SLC22A24: variants seen among roughly 807,000 people sequenced by gnomAD.
SLC22A24 encodes steroid transmembrane transporter SLC22A24.
In SLC22A24, 53 loss-of-function variants were observed where a neutral mutation model predicts 49.8. The observed-to-expected ratio is 1.06, with a 90% CI of 0.85 to 1.34. The LOEUF (loss-of-function observed/expected upper bound fraction) is 1.34. Ranked by LOEUF, SLC22A24 falls within the 40% of genes most tolerant of loss-of-function variation. The pLI, the probability that SLC22A24 is intolerant of heterozygous loss-of-function variation, is 0.00. For synonymous variants in SLC22A24, 302 were observed against 256.4 expected, an observed-to-expected ratio of 1.18 and a Z score of -1.70; for missense variants, 786 against 675.9, an observed-to-expected ratio of 1.16 and a Z score of -1.81.
rs955049082 is a variant in SLC22A24 at position 63,126,932 on chromosome 11, C to T, written c.507-7597G>A. 5.3e-5 allele frequency among the ~76,000 whole-genome samples: 8 copies of T among 152,044 alleles called. No individual in the cohort carries two copies. The South Asian group carries it at 1.5e-3, about 28-fold the overall frequency. ...TAGCAATTGTGAATGGGAGTTCACT[C>T]AGGATTTGGCTCTCAGTTTGTCTGT... On this transcript the variant is annotated intron_variant, in intron 2 of 9. Transcript: ENST00000612278.
intron 6 of SLC22A24, among the ~76,000 whole-genome samples, chr11:63,095,065 G>T (rs1450830639): frequency 6.6e-6 from 1 of 152,180 alleles, no homozygotes; most frequent in Non-Finnish European, 1.5e-5. Context: ...CCATGCGTAT[G>T]TCCTGAATGG....
chr11:63,114,052 C>T (rs1174877753), intron 4 of SLC22A24, among the ~76,000 whole-genome samples: 1 of 152,022 alleles, frequency 6.6e-6, no homozygotes, highest in African/African-American at 2.4e-5. Flanking sequence ...TGGGGTTGCT[C>T]TTCTTGAGGA....
intron 4 of SLC22A24, among the ~76,000 whole-genome samples, chr11:63,106,940 C>A (rs1006232117): frequency 2.0e-5 from 3 of 152,112 alleles, no homozygotes; most frequent in Non-Finnish European, 4.4e-5. Context: ...TTAATTAGAT[C>A]CCGTCTGTGA....
chr11:63,094,205 T>C (rs12363274), intron 6 of SLC22A24, among the ~76,000 whole-genome samples: 17,314 of 142,522 alleles, frequency 0.12, 1,131 homozygotes, highest in Middle Eastern at 0.17. Context: ...TGTGTTCTCA[T>C]TGTTCAATTC....
chr11:63,134,813 C>A, intron 1 of SLC22A24, 45 bp from the exon 2 acceptor site: 1 of 1,364,368 alleles, frequency 7.3e-7, no homozygotes, highest in Non-Finnish European at 1.0e-6. Context: ...AGAAGAGTTT[C>A]AACTCTTTAG....
chr11:63,126,103 G>C (rs2087288525), intron 2 of SLC22A24, among the ~76,000 whole-genome samples: 1 of 152,006 alleles, frequency 6.6e-6, no homozygotes, highest in South Asian at 2.1e-4. Flanking sequence ...CTCCCATTCT[G>C]TATGTTTCCT....
chr11:63,134,321 C>T (rs1396056978), intron 2 of SLC22A24, among the ~76,000 whole-genome samples: 2 of 152,132 alleles, frequency 1.3e-5, no homozygotes, highest in Non-Finnish European at 2.9e-5. Context: ...GCACCTCCTG[C>T]CTCAAACACC....
Position 63,143,365 on chromosome 11 carries a change from T to A in SLC22A24, c.402+13A>T, listed in dbSNP as rs1170091911. The A allele has an allele frequency of 7.0e-7, 1 of 1,435,458 alleles. No homozygotes were observed. Among genetic ancestry groups the A allele is most frequent in the Non-Finnish European group, 9.2e-7 (1 of 1,092,016 alleles). The allele number at this position is 1,435,458 out of a possible 1,614,324, so 88.9% of individuals were successfully genotyped here. ...TAATCATATAAACAGAAGATTTACATGGGGCCTCTTACCTCAGTCACGATG... is the reference window on the plus strand; with the variant it reads ...TAATCATATAAACAGAAGATTTACAAGGGGCCTCTTACCTCAGTCACGATG... On this transcript the variant is annotated intron_variant, in intron 1 of 9. Transcript: ENST00000612278.
At chr11:63,112,840 C>T (rs901673806) in intron 4 of SLC22A24, among the ~76,000 whole-genome samples, 4 of 150,328 alleles carry the variant, frequency 2.7e-5, no homozygotes, top group Non-Finnish European at 5.9e-5. Flanking sequence ...GGTGAAACCC[C>T]GTCTCTACTA....
At position 63,134,754 on chromosome 11, in the gene SLC22A24, A is replaced by G. The variant is rs1048039548; in HGVS notation, c.417T>C (p.Cys139=). Residue 139 remains cysteine, a synonymous_variant, in exon 2 of 10, where the codon TGT becomes TGC. Transcript: ENST00000612278. ...CCATTGATTTTAGTGACTGAGATTC[A>G]CATACCAGGTCCCACTGGAAGAGAA... ...STIVTEWDLV[C]ESQSLKSMVQ... is the part of the protein sequence containing the mutation. The G allele has an allele frequency of 8.3e-6, 13 of 1,573,188 alleles. No individual in the cohort carries two copies. The highest frequency in any genetic ancestry group is 1.1e-5 in the Non-Finnish European group (13 of 1,157,426).
chr11:63,140,618 C>G (rs554339800), intron 1 of SLC22A24, among the ~76,000 whole-genome samples: 1 of 152,264 alleles, frequency 6.6e-6, no homozygotes, highest in East Asian at 1.9e-4. Context: ...ATCTTCACTT[C>G]TATCTGATGT....
intron 6 of SLC22A24, 109 bp from the exon 7 acceptor site, chr11:63,083,566 A>C: frequency 1.2e-6 from 1 of 842,836 alleles, no homozygotes; most frequent in Non-Finnish European, 1.8e-6. Flanking sequence ...TATTGACCCA[A>C]TTGGCAAATG....
chr11:63,116,618 G>A (rs948483450), intron 4 of SLC22A24, among the ~76,000 whole-genome samples: 1 of 152,052 alleles, frequency 6.6e-6, no homozygotes, highest in African/African-American at 2.4e-5. Flanking sequence ...AATTTCTTGG[G>A]TGTGTAGATT....
Position 63,096,114 on chromosome 11 carries a change from A to G in SLC22A24, c.955-8T>C. On this transcript the variant is annotated splice_polypyrimidine_tract_variant and splice_region_variant and intron_variant, in intron 5 of 9. Transcript: ENST00000612278. ...CATGGTGGATCTCACAAGCTTCAGC[A>G]ACAAAAATAACAACAAGCATTTGTG... 6.7e-7 allele frequency: 1 copy of G among 1,502,160 alleles called. No homozygotes were observed. The highest frequency in any genetic ancestry group is 9.1e-7 in the Non-Finnish European group (1 of 1,102,084). 93.1% of individuals were successfully genotyped at this position (1,502,160 alleles called of 1,614,324 possible).
chr11:63,137,923 T>A (rs2087387127), intron 1 of SLC22A24: 1 of 152,098 alleles, frequency 6.6e-6, no homozygotes, highest in South Asian at 2.1e-4. Context: ...TCTCTGTCTT[T>A]CTCTGTCTTG....
At position 63,121,745 on chromosome 11, in the gene SLC22A24, A is replaced by G. The variant is rs189485557; in HGVS notation, c.507-2410T>C. Among the ~76,000 whole-genome samples the G allele has an allele frequency of 7.6e-4, 115 of 152,090 alleles. 1 individual carries two copies. The highest frequency in any genetic ancestry group is 2.6e-3 in the African/African-American group (107 of 41,490). On this transcript the variant is annotated intron_variant, in intron 2 of 9. Transcript: ENST00000612278. ...GCTGGTGTGCTGCACCCATTAACTCATCATTTAGCATTAGGTATATCTCCT... is the reference window on the plus strand; with the variant it reads ...GCTGGTGTGCTGCACCCATTAACTCGTCATTTAGCATTAGGTATATCTCCT...
chr11:63,099,246 G>T lies in SLC22A24; in HGVS notation c.955-3140C>A, dbSNP rs141648751. Among the ~76,000 whole-genome samples the T allele has an allele frequency of 6.9e-3, 1,050 of 151,914 alleles. 11 individuals carry two copies. The highest frequency in any genetic ancestry group is 0.024 in the African/African-American group (982 of 41,436). On this transcript the variant is annotated intron_variant, in intron 5 of 9. Coordinates refer to ENST00000612278, the MANE Select transcript of SLC22A24 (RefSeq NM_001136506.2). ...GCTGTCTCACTGTTTTGTCCAGGCT[G>T]GAGTGCAGTGATGCTTTCATGGCTT...
chr11:63,131,672 A>G (rs2087336468), intron 2 of SLC22A24, among the ~76,000 whole-genome samples: 1 of 152,168 alleles, frequency 6.6e-6, no homozygotes, highest in Non-Finnish European at 1.5e-5. Context: ...GGCTTCCCTT[A>G]GTGGGTAACC....
chr11:63,110,421 C>T (rs1242709105), intron 4 of SLC22A24, among the ~76,000 whole-genome samples: 1 of 151,532 alleles, frequency 6.6e-6, no homozygotes, highest in Non-Finnish European at 1.5e-5. Context: ...GGCATTGAAT[C>T]TATAAATTAT....
Sources: gnomAD v4.1 joint callset for allele counts (sites outside exome capture counted in the v4.1 genomes callset) on GRCh38, gnomAD v4.1.1 for gene constraint, MANE v1.5 for transcripts, NCBI Gene and HGNC (gene_info 2026-07-23, HGNC 2026-07-21) for gene names.